The following ERICH1 variants were observed in gnomAD, a reference collection of about 807,000 sequenced individuals.
The protein encoded by ERICH1 is glutamate rich 1.
In ERICH1, 56 loss-of-function variants were observed where a neutral mutation model predicts 39.6. That is an observed-to-expected ratio of 1.41 (90% CI 1.14 to 1.77). The LOEUF is 1.77. Among genes scored for constraint, ERICH1 ranks in the 40% most tolerant of loss-of-function variants. The pLI is 0.00. For synonymous variants in ERICH1, 313 were observed against 223.6 expected, an observed-to-expected ratio of 1.40 and a Z score of -3.57; for missense variants, 826 against 575.4, an observed-to-expected ratio of 1.44 and a Z score of -4.45.
Position 695,975 on chromosome 8 carries a change from A to C in ERICH1, c.170-3363T>G, listed in dbSNP as rs1414620658. 2.1e-3 allele frequency among the ~76,000 whole-genome samples: 34 copies of C among 15,826 alleles called. 1 individual carries two copies. The highest frequency in any genetic ancestry group is 0.016 in the African/African-American group (34 of 2,076). The allele number at this position is 15,826 out of a possible 152,430, so 10.4% of individuals were successfully genotyped here. A position where few individuals can be genotyped will look rare whatever the true frequency, so the allele number is the denominator to read the frequency against. On this transcript the variant is annotated intron_variant, in intron 2 of 5. Coordinates refer to ENST00000262109, the MANE Select transcript of ERICH1 (RefSeq NM_207332.3). ...CCTGCACTCGCTCCTCTCACCCTCC[A>C]CTCCTCTCCTTCCTCCCCATCAGCC...
chr8:641,274 G>A (rs1185211246), intron 3 of ERICH1: 3 of 152,202 alleles, frequency 2.0e-5, no homozygotes, highest in Non-Finnish European at 4.4e-5. Flanking sequence ...AAATCTGTGT[G>A]TAATTAATAA....
At chr8:683,197 G>C (rs1806526826) in intron 3 of ERICH1, among the ~76,000 whole-genome samples, 1 of 152,240 alleles carries the variant, frequency 6.6e-6, no homozygotes, top group Non-Finnish European at 1.5e-5. Context: ...TGGACAAGCG[G>C]TGGCTGTGGC....
chr8:699,817 ACAAGCGCACAGAC>A (rs1811361154), intron 2 of ERICH1, among the ~76,000 whole-genome samples: 1 of 69,762 alleles, frequency 1.4e-5, no homozygotes, highest in Non-Finnish European at 3.5e-5. Context: ...ACAGATCCGC[ACAAGCGCACAGAC>A]CCGCACAGGC....
chr8:707,215 T>G (rs1179076699), intron 2 of ERICH1, among the ~76,000 whole-genome samples: 1 of 146,346 alleles, frequency 6.8e-6, no homozygotes, highest in Non-Finnish European at 1.5e-5. Context: ...TTTCTTTTTT[T>G]TTTTTTTTTT....
At chr8:699,911 GCGCACAGGCC>G (rs1416127925) in intron 2 of ERICH1, among the ~76,000 whole-genome samples, 2 of 126,198 alleles carry the variant, frequency 1.6e-5, no homozygotes, top group African/African-American at 6.0e-5. Context: ...ACCCGCACAG[GCGCACAGGCC>G]CGCACAGGCG....
chr8:616,940 GAGGGAGAGGGAGACAGAGACACAC>G (rs879440433), intron 3 of ERICH1, among the ~76,000 whole-genome samples: 6,394 of 57,980 alleles, frequency 0.11, 1,918 homozygotes, highest in East Asian at 0.55. Context: ...CAGAGAGAGA[GAGGGAGAGGGAGACAGAGACACAC>G]AGAGAGAGAG....
downstream of ERICH1, among the ~76,000 whole-genome samples, chr8:662,803 G>A (rs1801625362): frequency 6.6e-6 from 1 of 152,254 alleles, no homozygotes; most frequent in Admixed American, 6.5e-5. Flanking sequence ...GGTTCTTACT[G>A]TGGGAAGAGC....
intron 3 of ERICH1, among the ~76,000 whole-genome samples, chr8:624,918 G>A (rs1442933404): frequency 6.6e-6 from 1 of 152,092 alleles, no homozygotes; most frequent in South Asian, 2.1e-4. Context: ...AGTAGAGACG[G>A]GGTTTCACCG....
In ERICH1 at chr8:673,801, G is replaced by A. The variant is rs1297107130; in HGVS notation, c.551C>T (p.Ala184Val). 1.2e-6 allele frequency: 2 copies of A among 1,614,052 alleles called. No individual in the cohort carries two copies. The highest frequency in any genetic ancestry group is 1.7e-6 in the Non-Finnish European group (2 of 1,180,050). ...KKAAGLAAKA[A>V]GVSFMYQPED... ...GGGCTGGTACATGAAACTGACACCAGCAGCCTTTGCTGCCAAGCCGGCTGC... is the reference window on the plus strand; with the variant it reads ...GGGCTGGTACATGAAACTGACACCAACAGCCTTTGCTGCCAAGCCGGCTGC... Residue 184 changes from alanine (A) to valine (V), a missense_variant, in exon 4 of 6, where the codon GCT (alanine) becomes GTT (valine). Ala to Val is a moderately conservative substitution (Grantham distance 64, BLOSUM62 0). Coordinates refer to ENST00000262109, the MANE Select transcript of ERICH1 (RefSeq NM_207332.3).
chr8:658,698 C>T lies in ERICH1; in HGVS notation c.976+9900G>A, dbSNP rs567469906. On this transcript the variant is annotated intron_variant, in intron 3 of 3. Transcript: ENST00000522706. ...AATCGGACAAGAGGAGGACAAGACC[C>T]TAGAGATGCCCCTGGTACAAACAAA... Among the ~76,000 whole-genome samples, 11 of 152,274 alleles carry T rather than the reference C, an allele frequency of 7.2e-5. No homozygotes were observed. In the South Asian group the frequency reaches 2.3e-3, roughly 32 times the overall value.
chr8:636,734 G>C (rs1040753598), intron 3 of ERICH1, among the ~76,000 whole-genome samples: 1 of 152,242 alleles, frequency 6.6e-6, no homozygotes, highest in Non-Finnish European at 1.5e-5. Flanking sequence ...GAACGGTGCA[G>C]ACCTGGCCTC....
intron 1 of ERICH1, among the ~76,000 whole-genome samples, chr8:718,985 T>C (rs893406382): frequency 6.6e-6 from 1 of 152,150 alleles, no homozygotes; most frequent in Non-Finnish European, 1.5e-5. Context: ...CCCAGGTGTG[T>C]TGTGCGGTTT....
At chr8:722,187 G>A (rs550901921) in intron 1 of ERICH1, among the ~76,000 whole-genome samples, 17 of 151,528 alleles carry the variant, frequency 1.1e-4, no homozygotes, top group African/African-American at 4.1e-4. Context: ...AGCAATCACC[G>A]GAAAATAAAA....
chr8:661,366 C>A (rs189137238), downstream of ERICH1, among the ~76,000 whole-genome samples: 523 of 152,226 alleles, frequency 3.4e-3, 6 homozygotes, highest in African/African-American at 0.012. Flanking sequence ...TAGAGACCGG[C>A]TTGTGCAAGC....
Position 729,815 on chromosome 8 carries a change from T to A in ERICH1, c.22+1325A>T, listed in dbSNP as rs545451770. ...CTTTAATTTGGTGAATGGAGAAAGG[T>A]TTTTTTTTTAAGTTGATTAGGTACA... On this transcript the variant is annotated intron_variant, in intron 1 of 5. Transcript: ENST00000262109. 4.6e-3 allele frequency among the ~76,000 whole-genome samples: 343 copies of A among 74,254 alleles called. 3 individuals are homozygous for A. The highest frequency in any genetic ancestry group is 0.015 in the African/African-American group (318 of 21,152). The allele number at this position is 74,254 out of a possible 152,430, so 48.7% of individuals were successfully genotyped here.
downstream of ERICH1, among the ~76,000 whole-genome samples, chr8:663,548 C>A (rs976721372): frequency 5.9e-5 from 9 of 151,804 alleles, no homozygotes; most frequent in Non-Finnish European, 1.2e-4. Context: ...GCAGGACAGG[C>A]GGGACAGGGC....
At chr8:615,194 G>A in exon 4 of ERICH1, 1 of 659,284 alleles carries the variant, frequency 1.5e-6, no homozygotes, top group Non-Finnish European at 2.7e-6. Context: ...CTCTTGACCT[G>A]GAATTGTCCA....
At chr8:716,492 C>A (rs1677572613) in intron 1 of ERICH1, among the ~76,000 whole-genome samples, 1 of 152,210 alleles carries the variant, frequency 6.6e-6, no homozygotes, top group African/African-American at 2.4e-5. Flanking sequence ...CTCTGGGAAC[C>A]CACGGTCTGC....
intron 2 of ERICH1, among the ~76,000 whole-genome samples, chr8:709,434 C>T (rs1814189605): frequency 6.6e-6 from 1 of 152,230 alleles, no homozygotes; most frequent in Non-Finnish European, 1.5e-5. Flanking sequence ...AATCCTGATT[C>T]TGTATTGGCA....
Sources: gnomAD v4.1 joint callset for allele counts (sites outside exome capture counted in the v4.1 genomes callset) on GRCh38, gnomAD v4.1.1 for gene constraint, MANE v1.5 for transcripts, NCBI Gene and HGNC (gene_info 2026-07-23, HGNC 2026-07-21) for gene names.